Variants in SKOR1 observed in about 807,000 individuals in gnomAD.
The protein encoded by SKOR1 is LBX1 corepressor 1.
SKOR1 carries 38 observed loss-of-function variants against 72.4 expected under a neutral mutation model. The ratio of observed to expected loss-of-function variants is 0.52; its 90% CI spans 0.40 to 0.69. The LOEUF is 0.69. Ranked by LOEUF, SKOR1 falls within the 30% of genes least tolerant of loss-of-function variation. The pLI, the probability that SKOR1 is intolerant of heterozygous loss-of-function variation, is 0.00. For synonymous variants in SKOR1, 642 were observed against 599.4 expected, an observed-to-expected ratio of 1.07 and a Z score of -1.04; for missense variants, 1,320 against 1,343.2, an observed-to-expected ratio of 0.98 and a Z score of 0.27.
chr15:67,833,106 G>A lies in SKOR1; in HGVS notation c.2738-86G>A. The A allele has an allele frequency of 7.0e-7, 1 of 1,427,402 alleles. No homozygotes were observed. Among genetic ancestry groups the A allele is most frequent in the Non-Finnish European group, 9.8e-7 (1 of 1,018,982 alleles). The allele number at this position is 1,427,402 out of a possible 1,614,324, so 88.4% of individuals were successfully genotyped here. ...TTGTTTCTGCGCGGAGCTTAGCCCTGGGGAGAGGAGGAAGCCCGGGCTGTG... is the reference window on the plus strand; with the variant it reads ...TTGTTTCTGCGCGGAGCTTAGCCCTAGGGAGAGGAGGAAGCCCGGGCTGTG... On this transcript the variant is annotated intron_variant, in intron 7 of 8. Transcript: ENST00000380035. This position sits in a 1 kb window ranked among gnomAD's most constrained non-coding sequence, Gnocchi z 6.0.
rs767609393 is a variant in SKOR1 at position 67,827,894 on chromosome 15, C to T, written c.2066C>T (p.Pro689Leu). ...AGCGCACCCAGCGCAGGGGGCGGCCCAGACGGTGAACAGCCCACTGGACCC... is the reference window on the plus strand; with the variant it reads ...AGCGCACCCAGCGCAGGGGGCGGCCTAGACGGTGAACAGCCCACTGGACCC... Reference protein sequence around the residue: ...EPSAPSAGGGPDGEQPTGPPS... With the variant: ...EPSAPSAGGGLDGEQPTGPPS... The change falls in exon 2 of 9, where the codon CCA (proline) becomes CTA (leucine). Residue 689 changes from proline to leucine, a missense_variant. This residue lies in a region of SKOR1 where 1,099 missense variants were observed against 1,025.5 expected (regional missense o/e 1.07). Coordinates refer to ENST00000380035, the MANE Select transcript of SKOR1 (RefSeq NM_001365915.1). 6.2e-7 allele frequency: 1 copy of T among 1,600,104 alleles called. No individual in the cohort carries two copies. Among genetic ancestry groups the T allele is most frequent in the East Asian group, 2.3e-5 (1 of 44,334 alleles).
intron 5 of SKOR1, among the ~76,000 whole-genome samples, chr15:67,831,904 G>GGGGGGGGGGGGC (rs2091010511): frequency 1.9e-5 from 2 of 104,754 alleles, no homozygotes; most frequent in Admixed American, 1.0e-4. Context: ...GCGGCGGTGC[G>GGGGGGGGGGGGC]GGGGGGGGAG....
Position 67,834,524 on chromosome 15 carries a change from G to A in SKOR1, c.*688G>A, listed in dbSNP as rs1566977878. 1 of 145,986 alleles carries A rather than the reference G, an allele frequency of 6.8e-6. No individual in the cohort carries two copies. The highest frequency in any genetic ancestry group is 2.5e-5 in the African/African-American group (1 of 39,802). The allele number at this position is 145,986 out of a possible 1,614,324, so 9.0% of individuals were successfully genotyped here. The stretch of plus-strand genomic sequence containing the variant: ...TGTTTGGGGAGACCACCCTGTACCC[G>A]TGACTTTCGTTTTTAATAATAATAA... On this transcript the variant is annotated 3_prime_UTR_variant, in exon 9 of 9. Coordinates refer to ENST00000380035, the MANE Select transcript of SKOR1 (RefSeq NM_001365915.1). The surrounding 1 kb of genome is among the most constrained non-coding windows in gnomAD (Gnocchi z 5.8).
rs755430734 is a variant in SKOR1 at position 67,832,576 on chromosome 15, G to A, written c.2663-31G>A. 47 of 1,596,614 alleles carry A rather than the reference G, an allele frequency of 2.9e-5. No individual in the cohort carries two copies. The highest frequency in any genetic ancestry group is 8.3e-5 in the Admixed American group (5 of 59,970). On this transcript the variant is annotated intron_variant, in intron 6 of 8. Coordinates refer to ENST00000380035, the MANE Select transcript of SKOR1 (RefSeq NM_001365915.1). The surrounding 1 kb of genome is among the most constrained non-coding windows in gnomAD (Gnocchi z 4.5). ...GTGGAGCCGGGAGAGGGGGCTGTGC[G>A]TAACAGCTCTCACTTAATCAATTTG...
rs1263851717 is a variant in SKOR1, at chr15:67,826,518, C to G, written c.690C>G (p.Pro230=). The change falls in exon 2 of 9, where the codon CCC becomes CCG. Residue 230 remains proline, a synonymous_variant. Coordinates refer to ENST00000380035, the MANE Select transcript of SKOR1 (RefSeq NM_001365915.1). ...NKFIFHSHRT[P]DAKYTQPDAA... ...TCATCTTCCACTCGCACCGAACACC[C>G]GACGCCAAGTACACGCAGCCCGATG... The G allele has an allele frequency of 9.9e-6, 16 of 1,613,796 alleles. No homozygotes were observed. The highest frequency in any genetic ancestry group is 1.4e-5 in the Non-Finnish European group (16 of 1,179,734).
rs2091018752 is a variant in SKOR1, at chr15:67,832,753, G to A, written c.2737+72G>A. The A allele has an allele frequency of 7.3e-6, 9 of 1,236,150 alleles. No individual in the cohort carries two copies. In the South Asian group the frequency reaches 9.8e-5, roughly 13 times the overall value. The allele number at this position is 1,236,150 out of a possible 1,614,324, so 76.6% of individuals were successfully genotyped here. ...TCGTCTGGCAGGAGCCGCAATGTTG[G>A]CTCAGTCATTTGGATTTAAATTGAA... On this transcript the variant is annotated intron_variant, in intron 7 of 8. Coordinates refer to ENST00000380035, the MANE Select transcript of SKOR1 (RefSeq NM_001365915.1). The surrounding 1 kb of genome is among the most constrained non-coding windows in gnomAD (Gnocchi z 4.5).
In SKOR1 at chr15:67,832,990, TC is replaced by T. The variant is rs1281080065; in HGVS notation, c.2738-200del. 4.9e-6 allele frequency: 3 copies of T among 615,784 alleles called. No homozygotes were observed. Among genetic ancestry groups the T allele is most frequent in the Non-Finnish European group, 8.5e-6 (3 of 351,284 alleles). 38.1% of individuals were successfully genotyped at this position (615,784 alleles called of 1,614,324 possible). On this transcript the variant is annotated intron_variant, in intron 7 of 8. Coordinates refer to ENST00000380035, the MANE Select transcript of SKOR1 (RefSeq NM_001365915.1). The surrounding 1 kb of genome is among the most constrained non-coding windows in gnomAD (Gnocchi z 4.5). Reference sequence around the variant, plus strand: ...TAAGTTTGCTTTAATTTTGGTTAGATCCATCTGCCTTTAAGCGCCATCCCAG... The same window carrying T: ...TAAGTTTGCTTTAATTTTGGTTAGATCATCTGCCTTTAAGCGCCATCCCAG...
In SKOR1 at chr15:67,833,231, G is replaced by C; in HGVS notation, c.2777G>C (p.Arg926Pro). 1 of 1,614,118 alleles carries C rather than the reference G, an allele frequency of 6.2e-7. No homozygotes were observed. The highest frequency in any genetic ancestry group is 2.2e-5 in the East Asian group (1 of 44,878). The change falls in exon 8 of 9, where the codon CGC (arginine) becomes CCC (proline). Residue 926 changes from arginine (R) to proline (P), a missense_variant. Transcript: ENST00000380035. The surrounding 1 kb of genome is among the most constrained non-coding windows in gnomAD (Gnocchi z 6.0). ...GAACTCGACCAGGAGCGGAAGGCGCGCTATGCCATCCAGCAGAAATTGAAA... is the reference window on the plus strand; with the variant it reads ...GAACTCGACCAGGAGCGGAAGGCGCCCTATGCCATCCAGCAGAAATTGAAA... The part of the protein sequence containing the change: ...CNELDQERKA[R>P]YAIQQKLKEA...
intron 3 of SKOR1, among the ~76,000 whole-genome samples, chr15:67,829,518 G>A (rs1465040070): frequency 6.6e-6 from 1 of 152,202 alleles, no homozygotes; most frequent in Non-Finnish European, 1.5e-5. Flanking sequence ...ACCCAGACAC[G>A]GCGTTAAACC....
At position 67,825,524 on chromosome 15, in the gene SKOR1, G is replaced by A. The variant is rs2090951362; in HGVS notation, c.-79G>A. The A allele has an allele frequency of 4.7e-6, 3 of 632,254 alleles. No individual in the cohort carries two copies. In the East Asian group the frequency reaches 9.7e-5, roughly 21 times the overall value. The allele number at this position is 632,254 out of a possible 1,614,324, so 39.2% of individuals were successfully genotyped here. ...GCCGATCCCCGAAGTCCGGGCTTCA[G>A]GACCCGGGCCGGCAGCACCGGCTGC... On this transcript the variant is annotated 5_prime_UTR_variant, in exon 1 of 9. Coordinates refer to ENST00000380035, the MANE Select transcript of SKOR1 (RefSeq NM_001365915.1). This position sits in a 1 kb window ranked among gnomAD's most constrained non-coding sequence, Gnocchi z 5.6.
chr15:67,833,633 A>G lies in SKOR1; in HGVS notation c.2804-109A>G. 1 of 1,174,342 alleles carries G rather than the reference A, an allele frequency of 8.5e-7. No homozygotes were observed. Among genetic ancestry groups the G allele is most frequent in the Non-Finnish European group, 1.3e-6 (1 of 788,938 alleles). 72.7% of individuals were successfully genotyped at this position (1,174,342 alleles called of 1,614,324 possible). A position where few individuals can be genotyped will look rare whatever the true frequency, so the allele number is the denominator to read the frequency against. On this transcript the variant is annotated intron_variant, in intron 8 of 8. Coordinates refer to ENST00000380035, the MANE Select transcript of SKOR1 (RefSeq NM_001365915.1). The surrounding 1 kb of genome is among the most constrained non-coding windows in gnomAD (Gnocchi z 6.0). Reference sequence around the variant, plus strand: ...CCTCCTCCTGATCCGCTCGGTTGAGATTCCCTGACCCCAAAGGGTTGGTAA... The same window carrying G: ...CCTCCTCCTGATCCGCTCGGTTGAGGTTCCCTGACCCCAAAGGGTTGGTAA...
Position 67,833,096 on chromosome 15 carries a change from G to T in SKOR1, c.2738-96G>T. 14 of 1,320,476 alleles carry T rather than the reference G, an allele frequency of 1.1e-5. No homozygotes were observed. The highest frequency in any genetic ancestry group is 1.5e-5 in the Non-Finnish European group (14 of 926,804). The allele number at this position is 1,320,476 out of a possible 1,614,324, so 81.8% of individuals were successfully genotyped here. A position where few individuals can be genotyped will look rare whatever the true frequency, so the allele number is the denominator to read the frequency against. On this transcript the variant is annotated intron_variant, in intron 7 of 8. Coordinates refer to ENST00000380035, the MANE Select transcript of SKOR1 (RefSeq NM_001365915.1). The surrounding 1 kb of genome is among the most constrained non-coding windows in gnomAD (Gnocchi z 6.0). ...ATCCCTGGAGTTGTTTCTGCGCGGA[G>T]CTTAGCCCTGGGGAGAGGAGGAAGC... is the stretch of plus-strand genomic sequence containing the variant.
rs1255927051 is a variant in SKOR1, at chr15:67,830,755, C to G, written c.2516-63C>G. On this transcript the variant is annotated intron_variant, in intron 4 of 8. Transcript: ENST00000380035. The stretch of plus-strand genomic sequence containing the variant: ...GATTCGATGTGGTTCCTGGGAAGCT[C>G]ACCCCTCCCCTCTCAAGGGCTTTCC... The G allele has an allele frequency of 2.0e-6, 3 of 1,529,618 alleles. No individual in the cohort carries two copies. The African/African-American group carries it at 4.1e-5, about 21-fold the overall frequency. The allele number at this position is 1,529,618 out of a possible 1,614,324, so 94.8% of individuals were successfully genotyped here. A position where few individuals can be genotyped will look rare whatever the true frequency, so the allele number is the denominator to read the frequency against.
chr15:67,833,629 T>G lies in SKOR1; in HGVS notation c.2804-113T>G, dbSNP rs1465243565. On this transcript the variant is annotated intron_variant, in intron 8 of 8. Coordinates refer to ENST00000380035, the MANE Select transcript of SKOR1 (RefSeq NM_001365915.1). The surrounding 1 kb of genome is among the most constrained non-coding windows in gnomAD (Gnocchi z 6.0). ...CCTGCCTCCTCCTGATCCGCTCGGT[T>G]GAGATTCCCTGACCCCAAAGGGTTG... is the stretch of plus-strand genomic sequence containing the variant. The G allele has an allele frequency of 2.3e-4, 251 of 1,111,230 alleles. No homozygotes were observed. Among genetic ancestry groups the G allele is most frequent in the Non-Finnish European group, 3.1e-4 (228 of 732,836 alleles). The allele number at this position is 1,111,230 out of a possible 1,614,324, so 68.8% of individuals were successfully genotyped here. A position where few individuals can be genotyped will look rare whatever the true frequency, so the allele number is the denominator to read the frequency against.
In SKOR1 at chr15:67,832,666, C is replaced by T; in HGVS notation, c.2722C>T (p.Leu908=). The T allele has an allele frequency of 6.2e-7, 1 of 1,614,054 alleles. No homozygotes were observed. ...LAYREEMVQQ[L]QIVRDTLCNE... is the part of the protein sequence containing the mutation. ...TTATCGAGAAGAAATGGTGCAACAG[C>T]TGCAAATTGTCAGAGGTAAGACGGG... The change falls in exon 7 of 9, where the codon CTG becomes TTG. Residue 908 remains leucine (L), a synonymous_variant. Transcript: ENST00000380035. The surrounding 1 kb of genome is among the most constrained non-coding windows in gnomAD (Gnocchi z 4.5).
chr15:67,830,805 C>G lies in SKOR1; in HGVS notation c.2516-13C>G. On this transcript the variant is annotated splice_polypyrimidine_tract_variant and intron_variant, in intron 4 of 8. Transcript: ENST00000380035. ...CTAGGACAGAACCCCTCTTACCTGC[C>G]CCTGTATCCCAGGCGAAGATGGGCT... The G allele has an allele frequency of 1.9e-6, 3 of 1,613,932 alleles. No individual in the cohort carries two copies. The highest frequency in any genetic ancestry group is 1.7e-6 in the Non-Finnish European group (2 of 1,179,914).
chr15:67,826,224 G>A lies in SKOR1; in HGVS notation c.396G>A (p.Pro132=), dbSNP rs1267117055. The A allele has an allele frequency of 6.2e-7, 1 of 1,613,156 alleles. No individual in the cohort carries two copies. Among genetic ancestry groups the A allele is most frequent in the South Asian group, 1.1e-5 (1 of 91,082 alleles). ...ALGITCVQCT[P]VQLEILRRAG... ...GCATCACGTGCGTGCAGTGCACGCC[G>A]GTACAGCTGGAGATTCTGCGTCGGG... The change falls in exon 2 of 9, where the codon CCG becomes CCA. Residue 132 remains proline, a synonymous_variant. Coordinates refer to ENST00000380035, the MANE Select transcript of SKOR1 (RefSeq NM_001365915.1).
intron 5 of SKOR1, among the ~76,000 whole-genome samples, chr15:67,831,901 T>TGCCGGGGGGG (rs1456064073): frequency 0.052 from 370 of 7,058 alleles, 18 homozygotes; most frequent in African/African-American, 0.15. Flanking sequence ...AGGGCGGCGG[T>TGCCGGGGGGG]GCGGGGGGGG....
chr15:67,832,260 T>C lies in SKOR1; in HGVS notation c.2588-14T>C. ...TTACCTCCCACTTTACCTCCCACTT[T>C]TCCCCTTTCACAGAGGAATTGCAAA... On this transcript the variant is annotated splice_polypyrimidine_tract_variant and intron_variant, in intron 5 of 8. Transcript: ENST00000380035. This position sits in a 1 kb window ranked among gnomAD's most constrained non-coding sequence, Gnocchi z 4.5. 6.2e-7 allele frequency: 1 copy of C among 1,613,704 alleles called. No homozygotes were observed. Among genetic ancestry groups the C allele is most frequent in the Non-Finnish European group, 8.5e-7 (1 of 1,179,702 alleles).
Sources: gnomAD v4.1 joint callset for allele counts (sites outside exome capture counted in the v4.1 genomes callset) on GRCh38, gnomAD v4.1.1 for gene constraint, gnomAD v4.1.1 regional missense constraint, Gnocchi (gnomAD v3.1) non-coding constraint, MANE v1.5 for transcripts, NCBI Gene and HGNC (gene_info 2026-07-23, HGNC 2026-07-21) for gene names.